The following SNX8 variants were observed in gnomAD, a reference collection of about 807,000 sequenced individuals.
The protein encoded by SNX8 is sorting nexin 8, also known as sorting nexin-8.
Under a neutral mutation model 51.6 loss-of-function variants are expected in SNX8, and 25 were observed. The ratio of observed to expected loss-of-function variants is 0.48; its 90% CI spans 0.35 to 0.68. The LOEUF is 0.68. Ranked by LOEUF, SNX8 falls within the 30% of genes least tolerant of loss-of-function variation. The pLI is 0.00. For missense variants in SNX8, 695 were observed against 624.0 expected, an observed-to-expected ratio of 1.11 and a Z score of -1.21; for synonymous variants, 324 against 277.0, an observed-to-expected ratio of 1.17 and a Z score of -1.68.
At chr7:2,351,656 C>T (rs1397307561) in intron 1 of SNX8, among the ~76,000 whole-genome samples, 1 of 150,424 alleles carries the variant, frequency 6.6e-6, no homozygotes, top group East Asian at 2.0e-4. Context: ...CAGGATGAAA[C>T]CCGTCTCTAC....
At chr7:2,275,502 G>C (rs1795757995) in intron 2 of SNX8, among the ~76,000 whole-genome samples, 1 of 151,638 alleles carries the variant, frequency 6.6e-6, no homozygotes, top group African/African-American at 2.4e-5. Flanking sequence ...GAGTTAAAGA[G>C]ACCAGCCTGG....
In SNX8 at chr7:2,255,093, G is replaced by A. The variant is rs376443378; in HGVS notation, c.1361C>T (p.Pro454Leu). ...CAGGCCGTCCTCCGGCGGGGAGCAC[G>A]GTGGGGTCAGGGTGCTGTGTGGTCC... ...FAGPHSTLTP[P>L]CSPPEDGLCP... The change falls in exon 11 of 11, where the codon CCG (proline) becomes CTG (leucine). Residue 454 changes from proline (P) to leucine (L), a missense_variant. Pro to Leu is a moderately conservative substitution (Grantham distance 98). Transcript: ENST00000222990. The A allele has an allele frequency of 4.6e-5, 73 of 1,579,842 alleles. 1 individual carries two copies. In the Middle Eastern group the frequency reaches 5.0e-4, roughly 11 times the overall value.
At chr7:2,352,628 C>T (rs1019907907) in intron 1 of SNX8, among the ~76,000 whole-genome samples, 6 of 151,846 alleles carry the variant, frequency 4.0e-5, no homozygotes, top group East Asian at 1.9e-4. Context: ...GTCAGGAGAT[C>T]GAGACCATCC....
chr7:2,309,004 G>C (rs989006723), intron 1 of SNX8, among the ~76,000 whole-genome samples: 5 of 151,996 alleles, frequency 3.3e-5, no homozygotes, highest in Admixed American at 3.3e-4. Context: ...GGCCAGGCTG[G>C]TCTTGAATTC....
chr7:2,262,163 G>C lies in SNX8; in HGVS notation c.915+1067C>G, dbSNP rs1033116041. 7.2e-5 allele frequency among the ~76,000 whole-genome samples: 11 copies of C among 152,246 alleles called. No individual in the cohort carries two copies. The East Asian group carries it at 1.7e-3, about 24-fold the overall frequency. The stretch of plus-strand genomic sequence containing the variant: ...GGTGATCCTCCCACCTCAGCCTCGT[G>C]AGTAGCTGGGACTACAGACACGCAC... On this transcript the variant is annotated intron_variant, in intron 7 of 10. Coordinates refer to ENST00000222990, the MANE Select transcript of SNX8 (RefSeq NM_013321.4).
intron 1 of SNX8, among the ~76,000 whole-genome samples, chr7:2,294,725 C>A (rs943783676): frequency 3.9e-4 from 59 of 152,202 alleles, no homozygotes; most frequent in African/African-American, 1.4e-3. Flanking sequence ...CCCCTCTGCA[C>A]TCCGAGGTCC....
upstream of SNX8, chr7:2,314,550 G>C (rs2115215385): frequency 1.1e-6 from 1 of 903,648 alleles, no homozygotes; most frequent in Non-Finnish European, 1.3e-6. Context: ...CCCACAGTCC[G>C]CCCCTGCGGG....
At chr7:2,306,830 G>C (rs1796554784) in intron 1 of SNX8, among the ~76,000 whole-genome samples, 1 of 152,028 alleles carries the variant, frequency 6.6e-6, no homozygotes, top group African/African-American at 2.4e-5. Flanking sequence ...CGCATTACTG[G>C]GTCTGATGAC....
intron 2 of SNX8, among the ~76,000 whole-genome samples, chr7:2,276,435 C>A (rs920820243): frequency 6.6e-6 from 1 of 152,178 alleles, no homozygotes; most frequent in Admixed American, 6.5e-5. Context: ...GACAACCATT[C>A]GGACCGTGTG....
At chr7:2,301,343 G>A (rs1796387996) in intron 1 of SNX8, among the ~76,000 whole-genome samples, 1 of 152,216 alleles carries the variant, frequency 6.6e-6, no homozygotes, top group African/African-American at 2.4e-5. Context: ...ATGGGCATAT[G>A]AATACAAGGC....
At position 2,278,202 on chromosome 7, in the gene SNX8, G is replaced by A. The variant is rs750742055; in HGVS notation, c.198C>T (p.His66=). ...CCCTGGCCAGCAGCTCCTGCAGGGT[G>A]TGGGACAGCAGCAGCGGGTTCCCCT... is the stretch of plus-strand genomic sequence containing the variant. ...MPQGNPLLLS[H]TLQELLARDT... is the part of the protein sequence containing the mutation. Residue 66 remains histidine, a synonymous_variant, in exon 2 of 11, where the codon CAC becomes CAT. Transcript: ENST00000222990. The A allele has an allele frequency of 4.3e-6, 7 of 1,613,776 alleles. No individual in the cohort carries two copies. The highest frequency in any genetic ancestry group is 1.7e-5 in the Admixed American group (1 of 60,006).
intron 1 of SNX8, among the ~76,000 whole-genome samples, chr7:2,352,087 T>C (rs1779154426): frequency 6.6e-6 from 1 of 151,820 alleles, no homozygotes; most frequent in South Asian, 2.1e-4. Context: ...TTTGTATTTT[T>C]AGTAGAGATG....
At chr7:2,323,386 C>T (rs987690925) in intron 1 of SNX8, among the ~76,000 whole-genome samples, 4 of 148,870 alleles carry the variant, frequency 2.7e-5, no homozygotes, top group Non-Finnish European at 5.9e-5. Flanking sequence ...ATGGGTAATG[C>T]ATTGTTTAGC....
intron 1 of SNX8, among the ~76,000 whole-genome samples, chr7:2,325,995 A>G (rs1294543346): frequency 1.3e-5 from 2 of 152,226 alleles, no homozygotes; most frequent in South Asian, 2.1e-4. Context: ...ATAAACTTGG[A>G]TATTTAACTA....
chr7:2,344,423 G>A (rs1317126500), intron 1 of SNX8, among the ~76,000 whole-genome samples: 11 of 150,272 alleles, frequency 7.3e-5, no homozygotes, highest in South Asian at 2.1e-4. Flanking sequence ...CATCCTGGCT[G>A]AGATGGTGAA....
intron 1 of SNX8, among the ~76,000 whole-genome samples, chr7:2,293,469 C>A (rs57747738): frequency 0.019 from 2,805 of 151,476 alleles, 85 homozygotes; most frequent in African/African-American, 0.064. Flanking sequence ...CCCTGGCCAA[C>A]ATGGTGAAAC....
intron 1 of SNX8, among the ~76,000 whole-genome samples, chr7:2,349,300 T>C (rs1270078969): frequency 6.6e-6 from 1 of 152,132 alleles, no homozygotes; most frequent in African/African-American, 2.4e-5. Context: ...AAGCATATGG[T>C]ATATTGGCAT....
At chr7:2,273,747 C>CA (rs1313621069) in intron 3 of SNX8, among the ~76,000 whole-genome samples, 3 of 140,214 alleles carry the variant, frequency 2.1e-5, no homozygotes, top group Admixed American at 1.4e-4. Flanking sequence ...ACTAAAAATA[C>CA]AAAAAAATTA....
chr7:2,297,009 G>A (rs1007315691), intron 1 of SNX8, among the ~76,000 whole-genome samples: 11 of 151,956 alleles, frequency 7.2e-5, no homozygotes, highest in Non-Finnish European at 1.6e-4. Flanking sequence ...ACAGGGACAT[G>A]CAAATTAAAA....
Sources: allele counts gnomAD v4.1 joint callset (sites outside exome capture counted in the v4.1 genomes callset), GRCh38; gene constraint gnomAD v4.1.1; transcripts MANE v1.5; gene names NCBI Gene and HGNC (gene_info 2026-07-23, HGNC 2026-07-21).